KCNQ5: variants seen among roughly 807,000 people sequenced by gnomAD.
KCNQ5 encodes potassium voltage-gated channel subfamily Q member 5.
In KCNQ5, 30 loss-of-function variants were observed where a neutral mutation model predicts 98.2. The observed-to-expected ratio is 0.31, with a 90% CI of 0.23 to 0.41. KCNQ5 has a LOEUF of 0.41. Ranked by LOEUF, KCNQ5 falls within the 10% of genes least tolerant of loss-of-function variation. The pLI is 1.00. For missense variants in KCNQ5, 835 were observed against 1,182.5 expected, an observed-to-expected ratio of 0.71 and a Z score of 4.31; for synonymous variants, 458 against 449.4, an observed-to-expected ratio of 1.02 and a Z score of -0.24.
chr6:73,000,931 C>G (rs1459985843), intron 1 of KCNQ5, among the ~76,000 whole-genome samples: 1 of 152,180 alleles, frequency 6.6e-6, no homozygotes, highest in Non-Finnish European at 1.5e-5. Context: ...CCACTTAGCT[C>G]CAGACTCCCA....
At chr6:72,792,612 C>T (rs1326083701) in intron 1 of KCNQ5, among the ~76,000 whole-genome samples, 1 of 152,140 alleles carries the variant, frequency 6.6e-6, no homozygotes, top group Non-Finnish European at 1.5e-5. Context: ...TGTTACAATT[C>T]AACCTGCCTC....
intron 1 of KCNQ5, among the ~76,000 whole-genome samples, chr6:72,885,949 C>T (rs1778828135): frequency 6.6e-6 from 1 of 152,190 alleles, no homozygotes; most frequent in Admixed American, 6.5e-5. Flanking sequence ...ATATGAGTGT[C>T]AACTTGAGTT....
chr6:72,700,624 C>T (rs539989761), intron 1 of KCNQ5, among the ~76,000 whole-genome samples: 8 of 152,198 alleles, frequency 5.3e-5, no homozygotes, highest in Admixed American at 3.3e-4. Flanking sequence ...CTTTTTAAAC[C>T]TAAATTCTAG....
rs766992339 is a variant in KCNQ5 at position 73,194,746 on chromosome 6, A to G, written c.2131A>G (p.Ser711Gly). Residue 711 changes from serine to glycine, a missense_variant, in exon 14 of 14, where the codon AGT becomes GGT. This residue lies in a region of KCNQ5 where 416 missense variants were observed against 446.9 expected (regional missense o/e 0.93). Coordinates refer to ENST00000370398, the MANE Select transcript of KCNQ5 (RefSeq NM_019842.4). ...TFYALSPTMHSQATQVPISQS... is the reference protein window; with the variant it reads ...TFYALSPTMHGQATQVPISQS... The stretch of plus-strand genomic sequence containing the variant: ...CTACGCGCTTAGCCCTACTATGCAC[A>G]GTCAAGCAACACAGGTGCCAATTAG... 3.7e-6 allele frequency: 6 copies of G among 1,614,268 alleles called. No homozygotes were observed. In the Admixed American group the frequency reaches 6.7e-5, roughly 18 times the overall value.
intron 1 of KCNQ5, among the ~76,000 whole-genome samples, chr6:72,979,529 T>C (rs1382706543): frequency 1.3e-5 from 2 of 152,212 alleles, no homozygotes; most frequent in African/African-American, 4.8e-5. Context: ...GTTGTTTGAT[T>C]TTTTTCTTGT....
chr6:72,726,406 G>A (rs1394139783), intron 1 of KCNQ5, among the ~76,000 whole-genome samples: 2 of 151,738 alleles, frequency 1.3e-5, no homozygotes, highest in Non-Finnish European at 2.9e-5. Context: ...GTAGAGATGG[G>A]GTTTCACTGT....
intron 2 of KCNQ5, among the ~76,000 whole-genome samples, chr6:73,034,634 T>TA (rs1771307308): frequency 6.6e-6 from 1 of 152,098 alleles, no homozygotes. Context: ...TTTAAGTAGC[T>TA]AAAAAACAAA....
In KCNQ5 at chr6:72,679,515, T is replaced by C. The variant is rs1207360467; in HGVS notation, c.398+56928T>C. Reference sequence around the variant, plus strand: ...GCATATTCTCACTCATAGGTGGGAATTGAACAATGAGAACACATGGACACA... The same window carrying C: ...GCATATTCTCACTCATAGGTGGGAACTGAACAATGAGAACACATGGACACA... On this transcript the variant is annotated intron_variant, in intron 1 of 13. Transcript: ENST00000370398. Among the ~76,000 whole-genome samples, 4 of 136,894 alleles carry C rather than the reference T, an allele frequency of 2.9e-5. No homozygotes were observed. The Admixed American group carries it at 3.5e-4, about 12-fold the overall frequency. The allele number at this position is 136,894 out of a possible 152,430, so 89.8% of individuals were successfully genotyped here. A position where few individuals can be genotyped will look rare whatever the true frequency, so the allele number is the denominator to read the frequency against.
intron 1 of KCNQ5, among the ~76,000 whole-genome samples, chr6:72,633,501 G>C (rs191879956): frequency 1.3e-5 from 2 of 152,274 alleles, no homozygotes; most frequent in East Asian, 3.9e-4. Flanking sequence ...TGTTATTCCT[G>C]TCAAACTACA....
At chr6:72,859,324 T>G (rs777633382) in intron 1 of KCNQ5, among the ~76,000 whole-genome samples, 1 of 152,162 alleles carries the variant, frequency 6.6e-6, no homozygotes. Context: ...TGATAGAAAT[T>G]ATATTTTTTT....
chr6:73,025,657 A>AAAAAAAAAT (rs1770847690), intron 2 of KCNQ5, among the ~76,000 whole-genome samples: 1 of 29,324 alleles, frequency 3.4e-5, no homozygotes, highest in African/African-American at 4.9e-5. Context: ...AAAAAAAAAA[A>AAAAAAAAAT]AATTCAAGTG....
intron 6 of KCNQ5, among the ~76,000 whole-genome samples, chr6:73,106,359 C>T (rs1775000652): frequency 6.6e-6 from 1 of 152,174 alleles, no homozygotes; most frequent in Non-Finnish European, 1.5e-5. Flanking sequence ...AGTTTGAATA[C>T]ATCTTTGTCA....
At chr6:72,780,361 A>C (rs16882872) in intron 1 of KCNQ5, among the ~76,000 whole-genome samples, 16,903 of 152,250 alleles carry the variant, frequency 0.11, 1,076 homozygotes, top group African/African-American at 0.18. Flanking sequence ...GCACAAGAGA[A>C]GATATGCCAA....
At chr6:72,693,103 G>A (rs1176111330) in intron 1 of KCNQ5, among the ~76,000 whole-genome samples, 2 of 152,122 alleles carry the variant, frequency 1.3e-5, no homozygotes, top group African/African-American at 4.8e-5. Flanking sequence ...ATAGATTTAT[G>A]TGTTACTAAC....
intron 5 of KCNQ5, among the ~76,000 whole-genome samples, chr6:73,095,183 A>C (rs1774430730): frequency 6.6e-6 from 1 of 152,100 alleles, no homozygotes; most frequent in Non-Finnish European, 1.5e-5. Flanking sequence ...TAGAGCTCTG[A>C]AATTCTTTCT....
intron 7 of KCNQ5, among the ~76,000 whole-genome samples, chr6:73,117,154 C>T (rs573499018): frequency 2.3e-3 from 353 of 152,316 alleles, no homozygotes; most frequent in Admixed American, 6.1e-3. Context: ...TGTTATTTTT[C>T]TCTTGCCAAC....
At position 72,644,858 on chromosome 6, in the gene KCNQ5, G is replaced by A. The variant is rs1044328202; in HGVS notation, c.398+22271G>A. ...ATTTTCTGAAGAACTCTAGGGACAA[G>A]GTTTTATTTGAGCCAAATTGCTCAT... On this transcript the variant is annotated intron_variant, in intron 1 of 13. Transcript: ENST00000370398. 4.2e-4 allele frequency among the ~76,000 whole-genome samples: 64 copies of A among 152,094 alleles called. 1 individual carries two copies. Among genetic ancestry groups the A allele is most frequent in the African/African-American group, 1.4e-3 (60 of 41,410 alleles).
Position 72,622,639 on chromosome 6 carries a change from G to A in KCNQ5, c.398+52G>A, listed in dbSNP as rs777274722. The A allele has an allele frequency of 1.9e-6, 3 of 1,593,880 alleles. No homozygotes were observed. Among genetic ancestry groups the A allele is most frequent in the Non-Finnish European group, 2.6e-6 (3 of 1,170,098 alleles). On this transcript the variant is annotated intron_variant, in intron 1 of 13. Transcript: ENST00000370398. This position sits in a 1 kb window ranked among gnomAD's most constrained non-coding sequence, Gnocchi z 6.0. ...CCGCTGCAGGGGACCACTGTCCCTG[G>A]CCCCCTGGGGCGTGCTCCGCGCTCG...
intron 9 of KCNQ5, among the ~76,000 whole-genome samples, chr6:73,124,959 A>G (rs1292307215): frequency 1.1e-4 from 1 of 9,154 alleles, no homozygotes; most frequent in South Asian, 4.9e-3. Flanking sequence ...ATATATATAT[A>G]TATATATATA....
Sources: gnomAD v4.1 joint callset for allele counts (sites outside exome capture counted in the v4.1 genomes callset) on GRCh38, gnomAD v4.1.1 for gene constraint, gnomAD v4.1.1 regional missense constraint, Gnocchi (gnomAD v3.1) non-coding constraint, MANE v1.5 for transcripts, NCBI Gene and HGNC (gene_info 2026-07-23, HGNC 2026-07-21) for gene names.